Variants in PKD2L2 observed in about 807,000 individuals in gnomAD.
PKD2L2 encodes polycystin-2-like protein 2.
PKD2L2 carries 67 observed loss-of-function variants against 83.9 expected under a neutral mutation model. The ratio of observed to expected loss-of-function variants is 0.80; its 90% CI spans 0.66 to 0.98. PKD2L2 has a LOEUF of 0.98. Ranked by LOEUF, PKD2L2 falls within the 50% of genes least tolerant of loss-of-function variation. PKD2L2 has a pLI of 0.00. For missense variants in PKD2L2, 632 were observed against 717.2 expected, an observed-to-expected ratio of 0.88 and a Z score of 1.36; for synonymous variants, 223 against 237.8, an observed-to-expected ratio of 0.94 and a Z score of 0.57.
At chr5:137,940,649 TGTGA>T (rs1761429463) in intron 14 of PKD2L2, among the ~76,000 whole-genome samples, 1 of 152,218 alleles carries the variant, frequency 6.6e-6, no homozygotes, top group African/African-American at 2.4e-5. Context: ...CTGCCAGGTC[TGTGA>T]GTGTCTATTA....
At chr5:137,891,236 A>T (rs547268065) in intron 2 of PKD2L2, among the ~76,000 whole-genome samples, 1 of 152,300 alleles carries the variant, frequency 6.6e-6, no homozygotes, top group African/African-American at 2.4e-5. Flanking sequence ...ACACACTGGC[A>T]ATTGTATAGC....
At chr5:137,891,616 CATT>C (rs1755991866) in intron 2 of PKD2L2, among the ~76,000 whole-genome samples, 2 of 151,992 alleles carry the variant, frequency 1.3e-5, no homozygotes, top group African/African-American at 2.4e-5. Context: ...TTTATAATCC[CATT>C]ATTCAGAGAT....
At chr5:137,903,078 C>T (rs1757095429) in intron 5 of PKD2L2, among the ~76,000 whole-genome samples, 1 of 152,130 alleles carries the variant, frequency 6.6e-6, no homozygotes, top group Non-Finnish European at 1.5e-5. Flanking sequence ...TCAGTTGATC[C>T]AGCTGGGCTT....
chr5:137,926,364 TAAAAA>T (rs5871655), intron 12 of PKD2L2, among the ~76,000 whole-genome samples: 28 of 149,718 alleles, frequency 1.9e-4, no homozygotes, highest in African/African-American at 6.4e-4. Context: ...CACTACCACT[TAAAAA>T]AAAAAAAGTG....
intron 8 of PKD2L2, among the ~76,000 whole-genome samples, chr5:137,919,514 C>CTTT (rs879670765): frequency 1.3e-5 from 2 of 148,498 alleles, no homozygotes; most frequent in Non-Finnish European, 1.5e-5. Flanking sequence ...GTTCCTTCAT[C>CTTT]TTTTTTTTTT....
At chr5:137,932,177 A>G (rs1759929959) in intron 12 of PKD2L2, among the ~76,000 whole-genome samples, 1 of 151,992 alleles carries the variant, frequency 6.6e-6, no homozygotes, top group South Asian at 2.1e-4. Flanking sequence ...GTGAAACCCC[A>G]TCTCTACTAA....
rs763783295 is a variant in PKD2L2, at chr5:137,890,590, C to T, written c.133+8C>T. ...TAATAAACCTATGTATATGTAAGTA[C>T]ACAGATATAAAGATGCTGTTTGTTT... On this transcript the variant is annotated splice_region_variant and intron_variant, in intron 2 of 14. Coordinates refer to ENST00000508883, the MANE Select transcript of PKD2L2 (RefSeq NM_001300921.2). 5.3e-5 allele frequency: 60 copies of T among 1,132,992 alleles called. No individual in the cohort carries two copies. The East Asian group carries it at 1.3e-3, about 24-fold the overall frequency. 70.2% of individuals were successfully genotyped at this position (1,132,992 alleles called of 1,614,324 possible).
intron 3 of PKD2L2, among the ~76,000 whole-genome samples, chr5:137,894,015 C>T (rs1207235926): frequency 6.6e-6 from 1 of 152,056 alleles, no homozygotes; most frequent in Non-Finnish European, 1.5e-5. Context: ...GGGGTACAGA[C>T]AACTTTGGAG....
At chr5:137,904,713 C>T (rs1163445604) in intron 5 of PKD2L2, among the ~76,000 whole-genome samples, 1 of 152,206 alleles carries the variant, frequency 6.6e-6, no homozygotes, top group Middle Eastern at 3.4e-3. Flanking sequence ...ACCCTCAAGT[C>T]GCAAGTTTAC....
At chr5:137,937,953 C>T (rs1157549531) in intron 14 of PKD2L2, 2 of 151,584 alleles carry the variant, frequency 1.3e-5, no homozygotes, top group Admixed American at 6.6e-5. Flanking sequence ...CATACATTTA[C>T]AATGACTTAG....
At chr5:137,930,681 A>T (rs1759800784) in intron 12 of PKD2L2, among the ~76,000 whole-genome samples, 1 of 151,154 alleles carries the variant, frequency 6.6e-6, no homozygotes, top group Non-Finnish European at 1.5e-5. Context: ...AAAAAAAAAA[A>T]GAAAATGAAA....
intron 4 of PKD2L2, among the ~76,000 whole-genome samples, chr5:137,895,967 A>G (rs1405937604): frequency 6.6e-6 from 1 of 151,850 alleles, no homozygotes; most frequent in Non-Finnish European, 1.5e-5. Context: ...ACCTGAGGTC[A>G]GGAGTTCAAG....
chr5:137,941,901 G>T, intron 14 of PKD2L2: 7 of 1,465,730 alleles, frequency 4.8e-6, no homozygotes, highest in Non-Finnish European at 6.7e-6. Flanking sequence ...CAGTTTGTGA[G>T]TTAGAGAAGA....
chr5:137,910,794 AC>A (rs1258345076), intron 8 of PKD2L2, among the ~76,000 whole-genome samples: 1 of 65,528 alleles, frequency 1.5e-5, no homozygotes, highest in African/African-American at 4.3e-5. Flanking sequence ...AAAAAGAAAA[AC>A]AAAAAAAAAA....
chr5:137,932,540 A>G (rs1258031436), intron 12 of PKD2L2, among the ~76,000 whole-genome samples: 1 of 152,076 alleles, frequency 6.6e-6, no homozygotes, highest in East Asian at 1.9e-4. Flanking sequence ...ACTCATAAAT[A>G]ATGACTGCAG....
At position 137,894,521 on chromosome 5, in the gene PKD2L2, T is replaced by C. The variant is rs748025631; in HGVS notation, c.436T>C (p.Ser146Pro). Residue 146 changes from serine (S) to proline (P), a missense_variant, in exon 4 of 15, where the codon TCT (serine) becomes CCT (proline). Around this residue, in one of 3 missense-constraint regions of PKD2L2, gnomAD observed 229 missense variants for 281.5 expected, o/e 0.81. Transcript: ENST00000508883. ...CAACAACACATGCAAAGTCTATTCA[T>C]CTTTTCAGTCTTTGATGAGTGAATG... The part of the protein sequence containing the change: ...VRNNTCKVYS[S>P]FQSLMSECYG... The C allele has an allele frequency of 5.0e-5, 80 of 1,613,220 alleles. No individual in the cohort carries two copies. Among genetic ancestry groups the C allele is most frequent in the Non-Finnish European group, 6.6e-5 (78 of 1,179,262 alleles).
At chr5:137,898,403 A>C (rs1756665715) in intron 4 of PKD2L2, among the ~76,000 whole-genome samples, 1 of 152,330 alleles carries the variant, frequency 6.6e-6, no homozygotes, top group South Asian at 2.1e-4. Context: ...ATTATGAAGC[A>C]TGTTTTTTAC....
At chr5:137,896,134 A>T (rs186393834) in intron 4 of PKD2L2, among the ~76,000 whole-genome samples, 12 of 151,670 alleles carry the variant, frequency 7.9e-5, no homozygotes, top group Admixed American at 6.6e-4. Context: ...CCAAGATCGG[A>T]CCACTACACT....
Position 137,923,488 on chromosome 5 carries a change from G to A in PKD2L2, c.1518G>A (p.Arg506=). ...EVKADYSIGR[R]LDFELGKMIK... ...AAGCTGACTATTCAATAGGCAGAAG[G>A]CTAGATTTTGAACTTGGCAAAATGA... Residue 506 remains arginine, a synonymous_variant, in exon 10 of 15, where the codon AGG becomes AGA. Transcript: ENST00000508883. 1 of 1,567,310 alleles carries A rather than the reference G, an allele frequency of 6.4e-7. No individual in the cohort carries two copies. The highest frequency in any genetic ancestry group is 8.8e-7 in the Non-Finnish European group (1 of 1,137,528).
Sources: allele counts gnomAD v4.1 joint callset (sites outside exome capture counted in the v4.1 genomes callset), GRCh38; gene constraint gnomAD v4.1.1; regional missense constraint gnomAD v4.1.1; transcripts MANE v1.5; gene names NCBI Gene and HGNC (gene_info 2026-07-23, HGNC 2026-07-21).